The following SND1 variants were observed in gnomAD, a reference collection of about 807,000 sequenced individuals.
SND1 encodes staphylococcal nuclease and tudor domain containing 1.
SND1 carries 38 observed loss-of-function variants against 121.7 expected under a neutral mutation model. The ratio of observed to expected loss-of-function variants is 0.31; its 90% CI spans 0.24 to 0.41. The LOEUF is 0.41. SND1 is among the 10% of genes least tolerant of loss of function. SND1 has a pLI of 1.00. For missense variants in SND1, 868 were observed against 1,184.6 expected, an observed-to-expected ratio of 0.73 and a Z score of 3.92; for synonymous variants, 401 against 447.4, an observed-to-expected ratio of 0.90 and a Z score of 1.31.
At chr7:127,998,859 C>A (rs568370655) in intron 16 of SND1, 1 of 152,252 alleles carries the variant, frequency 6.6e-6, no homozygotes, top group South Asian at 2.1e-4. Context: ...GGTGGCCTTC[C>A]CCAAGTGAGC....
chr7:127,884,761 C>T (rs910845953), intron 12 of SND1, among the ~76,000 whole-genome samples: 3 of 152,086 alleles, frequency 2.0e-5, no homozygotes, highest in Admixed American at 2.0e-4. Context: ...CTTCTTGGCA[C>T]GTGCCTCTTA....
rs115574226 is a variant in SND1 at position 128,058,878 on chromosome 7, C to T, written c.1780-15624C>T. On this transcript the variant is annotated intron_variant, in intron 16 of 23. Coordinates refer to ENST00000354725, the MANE Select transcript of SND1 (RefSeq NM_014390.4). ...AACCAGCCCCTGATTCCTCCATCCC[C>T]GATCTGTCTCAGCAGGTGGGTGGGC... is the stretch of plus-strand genomic sequence containing the variant. Among the ~76,000 whole-genome samples the T allele has an allele frequency of 5.6e-3, 856 of 152,228 alleles. 29 individuals are homozygous for T. Among genetic ancestry groups the T allele is most frequent in the Admixed American group, 0.051 (779 of 15,296 alleles).
chr7:128,024,028 TAC>T (rs1012313534), intron 16 of SND1, among the ~76,000 whole-genome samples: 49 of 150,224 alleles, frequency 3.3e-4, no homozygotes, highest in Non-Finnish European at 6.6e-4. Flanking sequence ...GAAGACTGGC[TAC>T]AGAGTCTGTG....
chr7:127,766,634 G>C (rs1797420062), intron 10 of SND1, among the ~76,000 whole-genome samples: 1 of 151,514 alleles, frequency 6.6e-6, no homozygotes, highest in African/African-American at 2.4e-5. Context: ...AATTAGCCGG[G>C]CGTGGTGGCG....
chr7:127,803,915 G>A (rs1420765002), intron 10 of SND1, among the ~76,000 whole-genome samples: 1 of 152,192 alleles, frequency 6.6e-6, no homozygotes, highest in Non-Finnish European at 1.5e-5. Context: ...GGGCCTACAT[G>A]CAATGTCATT....
chr7:127,813,774 G>A (rs547309429), intron 11 of SND1, among the ~76,000 whole-genome samples: 1 of 152,228 alleles, frequency 6.6e-6, no homozygotes, highest in Non-Finnish European at 1.5e-5. Context: ...TGTTGGCCAG[G>A]CAGGTCTCAA....
intron 16 of SND1, chr7:128,028,511 T>G: frequency 1.5e-6 from 1 of 663,090 alleles, no homozygotes; most frequent in Non-Finnish European, 2.4e-6. Flanking sequence ...GAAAATATTT[T>G]TGTTTTGACT....
In SND1 at chr7:127,760,055, G is replaced by A. The variant is rs535563594; in HGVS notation, c.1152+38655G>A. Among the ~76,000 whole-genome samples the A allele has an allele frequency of 6.2e-4, 94 of 152,094 alleles. 1 individual carries two copies. In the South Asian group the frequency reaches 8.1e-3, roughly 13 times the overall value. On this transcript the variant is annotated intron_variant, in intron 10 of 23. Transcript: ENST00000354725. The stretch of plus-strand genomic sequence containing the variant: ...TGTCTCTCTTACCTGGCTTGGTTTC[G>A]GACTCCTCATGACAGGCTGCCCTCC...
Position 127,702,428 on chromosome 7 carries a change from C to T in SND1, c.590-7C>T. ...TAAGGACTTAAGCTGTTTATTCTGT[C>T]ACACAGCTATCATCGAGCATGTGCG... On this transcript the variant is annotated splice_region_variant and splice_polypyrimidine_tract_variant and intron_variant, in intron 5 of 23. Transcript: ENST00000354725. 1 of 1,612,570 alleles carries T rather than the reference C, an allele frequency of 6.2e-7. No individual in the cohort carries two copies. The highest frequency in any genetic ancestry group is 8.5e-7 in the Non-Finnish European group (1 of 1,178,544).
At chr7:127,883,063 A>G (rs955701466) in intron 12 of SND1, among the ~76,000 whole-genome samples, 1 of 152,180 alleles carries the variant, frequency 6.6e-6, no homozygotes, top group African/African-American at 2.4e-5. Context: ...AACAGTTTCC[A>G]TTAGGCATGA....
At chr7:127,732,635 G>A (rs1796700302) in intron 10 of SND1, among the ~76,000 whole-genome samples, 1 of 152,194 alleles carries the variant, frequency 6.6e-6, no homozygotes, top group East Asian at 1.9e-4. Flanking sequence ...CAACGAAACT[G>A]TATTCTAGTT....
rs1801585161 is a variant in SND1 at position 127,956,047 on chromosome 7, A to T, written c.1669+26718A>T. Reference sequence around the variant, plus strand: ...GCCTGTTGCCTTCTCTCTTTTTATCATCACCTCCCAGAACCTGGTGTAAGT... The same window carrying T: ...GCCTGTTGCCTTCTCTCTTTTTATCTTCACCTCCCAGAACCTGGTGTAAGT... On this transcript the variant is annotated intron_variant, in intron 15 of 23. Transcript: ENST00000354725. Among the ~76,000 whole-genome samples the T allele has an allele frequency of 2.0e-5, 3 of 152,098 alleles. No individual in the cohort carries two copies. The South Asian group carries it at 6.2e-4, about 32-fold the overall frequency.
chr7:128,002,253 C>G (rs1802854142), intron 16 of SND1, among the ~76,000 whole-genome samples: 1 of 152,194 alleles, frequency 6.6e-6, no homozygotes, highest in Non-Finnish European at 1.5e-5. Flanking sequence ...GCTACTACTA[C>G]CAGTTGAGAG....
At chr7:128,080,010 T>A (rs1033789043) in intron 17 of SND1, among the ~76,000 whole-genome samples, 2 of 152,218 alleles carry the variant, frequency 1.3e-5, no homozygotes, top group Admixed American at 6.5e-5. Context: ...CCTGTGTACC[T>A]CAGTTTTCCC....
chr7:128,041,157 C>G (rs754893345), intron 16 of SND1, among the ~76,000 whole-genome samples: 1 of 152,102 alleles, frequency 6.6e-6, no homozygotes, highest in Admixed American at 6.5e-5. Context: ...GAGGGGGCCC[C>G]GGTGCAGGGG....
chr7:127,917,077 C>T (rs1800595590), intron 14 of SND1, among the ~76,000 whole-genome samples: 1 of 152,210 alleles, frequency 6.6e-6, no homozygotes, highest in African/African-American at 2.4e-5. Context: ...TTCACCAAAG[C>T]TATCTCAATT....
At position 127,893,034 on chromosome 7, in the gene SND1, T is replaced by A. The variant is rs543370867; in HGVS notation, c.1454+5022T>A. Among the ~76,000 whole-genome samples, 15 of 152,280 alleles carry A rather than the reference T, an allele frequency of 9.9e-5. No individual in the cohort carries two copies. In the South Asian group the frequency reaches 3.1e-3, roughly 32 times the overall value. On this transcript the variant is annotated intron_variant, in intron 13 of 23. Coordinates refer to ENST00000354725, the MANE Select transcript of SND1 (RefSeq NM_014390.4). ...TACATATGCCTAGTCTTGGCGAGCC[T>A]TCCAAACTTTAGGCAGAGCTTTTAA...
intron 10 of SND1, among the ~76,000 whole-genome samples, chr7:127,782,180 CA>C (rs1427793971): frequency 2.6e-5 from 4 of 152,172 alleles, no homozygotes; most frequent in Non-Finnish European, 5.9e-5. Flanking sequence ...TTGTCTCTCC[CA>C]AGCAGGGGAG....
At chr7:127,689,305 G>A (rs1466947253) in intron 2 of SND1, among the ~76,000 whole-genome samples, 1 of 152,122 alleles carries the variant, frequency 6.6e-6, no homozygotes, top group South Asian at 2.1e-4. Context: ...CACATTTTGG[G>A]CATTAACAAA....
Sources: gnomAD v4.1 joint callset for allele counts (sites outside exome capture counted in the v4.1 genomes callset) on GRCh38, gnomAD v4.1.1 for gene constraint, MANE v1.5 for transcripts, NCBI Gene and HGNC (gene_info 2026-07-23, HGNC 2026-07-21) for gene names.